The following BRIP1 variants were observed in gnomAD, a reference collection of about 807,000 sequenced individuals.
The protein encoded by BRIP1 is Fanconi anemia group J protein.
Under a neutral mutation model 119.7 loss-of-function variants are expected in BRIP1, and 88 were observed. The observed-to-expected ratio is 0.74, with a 90% CI of 0.62 to 0.88. BRIP1 has a LOEUF of 0.88. Among genes scored for constraint, BRIP1 ranks in the 40% least tolerant of loss-of-function variants. The pLI is 0.00. For missense variants in BRIP1, 1,259 were observed against 1,455.4 expected, an observed-to-expected ratio of 0.87 and a Z score of 2.20; for synonymous variants, 443 against 496.5, an observed-to-expected ratio of 0.89 and a Z score of 1.43.
rs2061431586 is a variant in BRIP1, at chr17:61,690,454, GT to G, written c.2575+2975del. On this transcript the variant is annotated intron_variant, in intron 18 of 19. Coordinates refer to ENST00000259008, the MANE Select transcript of BRIP1 (RefSeq NM_032043.3). This position sits in a 1 kb window ranked among gnomAD's most constrained non-coding sequence, Gnocchi z 5.6. ...GTGATGGGAAAAGTAAAAGTGTAGA[GT>G]TTATACAACTGAAATGAATTTGTTA... Among the ~76,000 whole-genome samples, 1 of 152,190 alleles carries G rather than the reference GT, an allele frequency of 6.6e-6. No homozygotes were observed. The highest frequency in any genetic ancestry group is 1.5e-5 in the Non-Finnish European group (1 of 68,038).
Position 61,748,603 on chromosome 17 carries a change from A to G in BRIP1, c.2098-4012T>C, listed in dbSNP as rs1461907528. 1.3e-5 allele frequency among the ~76,000 whole-genome samples: 2 copies of G among 152,200 alleles called. No individual in the cohort carries two copies. The highest frequency in any genetic ancestry group is 2.9e-5 in the Non-Finnish European group (2 of 68,026). ...CCACCATAATCAAAATAGTAATTGC[A>G]TTGCCATAAAGACAGACATATAGAC... On this transcript the variant is annotated intron_variant, in intron 14 of 19. Transcript: ENST00000259008. This position sits in a 1 kb window ranked among gnomAD's most constrained non-coding sequence, Gnocchi z 4.7.
chr17:61,732,163 TAG>T (rs2076856713), intron 16 of BRIP1, among the ~76,000 whole-genome samples: 1 of 151,460 alleles, frequency 6.6e-6, no homozygotes. Flanking sequence ...GTATTTTTAG[TAG>T]AGAGAGAGAG....
At chr17:61,782,894 A>T (rs1047635410) in intron 11 of BRIP1, among the ~76,000 whole-genome samples, 5 of 152,234 alleles carry the variant, frequency 3.3e-5, no homozygotes, top group Admixed American at 6.5e-5. Flanking sequence ...GCTGCTACAT[A>T]AACTGTTGGC....
chr17:61,801,560 T>G (rs2077995173), intron 7 of BRIP1, 86 bp from the exon 8 acceptor site: 3 of 1,268,704 alleles, frequency 2.4e-6, no homozygotes, highest in Non-Finnish European at 3.4e-6. Context: ...TTGAGGAACA[T>G]CATTAAAGCC....
Position 61,824,111 on chromosome 17 carries a change from G to A in BRIP1, c.628-15354C>T, listed in dbSNP as rs1001552518. The stretch of plus-strand genomic sequence containing the variant: ...ATTACAGGCATGAGCCACCATGCCC[G>A]GCCTAAGATAGAATTTTTAAAGCAG... On this transcript the variant is annotated intron_variant, in intron 6 of 19. Coordinates refer to ENST00000259008, the MANE Select transcript of BRIP1 (RefSeq NM_032043.3). This position sits in a 1 kb window ranked among gnomAD's most constrained non-coding sequence, Gnocchi z 4.3. Among the ~76,000 whole-genome samples, 14 of 152,198 alleles carry A rather than the reference G, an allele frequency of 9.2e-5. No individual in the cohort carries two copies. Among genetic ancestry groups the A allele is most frequent in the Non-Finnish European group, 1.8e-4 (12 of 68,024 alleles).
intron 8 of BRIP1, among the ~76,000 whole-genome samples, chr17:61,800,163 A>G (rs1437273601): frequency 6.6e-6 from 1 of 152,204 alleles, no homozygotes; most frequent in Non-Finnish European, 1.5e-5. Flanking sequence ...CAATAAAGAG[A>G]ATCAAGTATT....
rs2076920970 is a variant in BRIP1 at position 61,736,511 on chromosome 17, T to C, written c.2379+6502A>G. Among the ~76,000 whole-genome samples, 1 of 152,188 alleles carries C rather than the reference T, an allele frequency of 6.6e-6. No homozygotes were observed. Among genetic ancestry groups the C allele is most frequent in the Admixed American group, 6.5e-5 (1 of 15,278 alleles). On this transcript the variant is annotated intron_variant, in intron 16 of 19. Coordinates refer to ENST00000259008, the MANE Select transcript of BRIP1 (RefSeq NM_032043.3). The surrounding 1 kb of genome is among the most constrained non-coding windows in gnomAD (Gnocchi z 4.4). ...ATGATTTACTACTATAACTACCCTGTATTGCCTCCTTATGAGTCATATCAC... is the reference window on the plus strand; with the variant it reads ...ATGATTTACTACTATAACTACCCTGCATTGCCTCCTTATGAGTCATATCAC...
chr17:61,784,860 C>T (rs1409333849), intron 10 of BRIP1, among the ~76,000 whole-genome samples: 1 of 152,140 alleles, frequency 6.6e-6, no homozygotes, highest in Non-Finnish European at 1.5e-5. Context: ...GATGCTGGAG[C>T]CATGCTTCGT....
At chr17:61,765,404 TATATATATATATATATA>T (rs1567798913) in intron 14 of BRIP1, among the ~76,000 whole-genome samples, 13 of 16,284 alleles carry the variant, frequency 8.0e-4, no homozygotes, top group Non-Finnish European at 1.5e-3. Flanking sequence ...TATATATATA[TATATATATATATATATA>T]TATTTTTTTT....
chr17:61,767,274 T>C lies in BRIP1; in HGVS notation c.2097+9127A>G, dbSNP rs991969367. Among the ~76,000 whole-genome samples the C allele has an allele frequency of 1.3e-5, 2 of 152,052 alleles. No individual in the cohort carries two copies. Among genetic ancestry groups the C allele is most frequent in the African/African-American group, 2.4e-5 (1 of 41,406 alleles). On this transcript the variant is annotated intron_variant, in intron 14 of 19. Coordinates refer to ENST00000259008, the MANE Select transcript of BRIP1 (RefSeq NM_032043.3). The surrounding 1 kb of genome is among the most constrained non-coding windows in gnomAD (Gnocchi z 5.7). The stretch of plus-strand genomic sequence containing the variant: ...CTAAAATGTATGGTTTGAAAAACTT[T>C]AGACATATATTTTTCTTTTTTAGAG...
Position 61,774,520 on chromosome 17 carries a change from C to T in BRIP1, c.2097+1881G>A, listed in dbSNP as rs761989362. ...TGATGGGTGCAGCAAACCAGCATGG[C>T]ACATGTATACGTATGTAACAAACCT... On this transcript the variant is annotated intron_variant, in intron 14 of 19. Transcript: ENST00000259008. The surrounding 1 kb of genome is among the most constrained non-coding windows in gnomAD (Gnocchi z 5.8). Among the ~76,000 whole-genome samples the T allele has an allele frequency of 1.3e-5, 2 of 152,044 alleles. No homozygotes were observed. The highest frequency in any genetic ancestry group is 4.8e-5 in the African/African-American group (2 of 41,372).
intron 6 of BRIP1, among the ~76,000 whole-genome samples, chr17:61,830,747 A>G (rs923528058): frequency 6.6e-6 from 1 of 152,214 alleles, no homozygotes; most frequent in Non-Finnish European, 1.5e-5. Context: ...TTAAGGAAGA[A>G]GTAATATCAA....
rs771630777 is a variant in BRIP1, at chr17:61,801,418, T to C, written c.975A>G (p.Leu325=). 1.9e-6 allele frequency: 3 copies of C among 1,613,990 alleles called. No homozygotes were observed. In the South Asian group the frequency reaches 3.3e-5, roughly 18 times the overall value. The change falls in exon 8 of 20, where the codon TTA becomes TTG. Residue 325 remains leucine (L), a synonymous_variant. Coordinates refer to ENST00000259008, the MANE Select transcript of BRIP1 (RefSeq NM_032043.3). The part of the protein sequence containing the change: ...GVHKISDQHT[L]QTFQGMCKAW... ...CTTTGCACATCCCTTGGAAAGTCTGTAATGTGTGCTGATCACTAATTTTAT... is the reference window on the plus strand; with the variant it reads ...CTTTGCACATCCCTTGGAAAGTCTGCAATGTGTGCTGATCACTAATTTTAT...
Position 61,810,028 on chromosome 17 carries a change from G to A in BRIP1, c.628-1271C>T, listed in dbSNP as rs2078138000. Among the ~76,000 whole-genome samples the A allele has an allele frequency of 6.6e-6, 1 of 152,090 alleles. No homozygotes were observed. Among genetic ancestry groups the A allele is most frequent in the Admixed American group, 6.5e-5 (1 of 15,270 alleles). ...AATGGATGTAAATGTGACCCTTCTG[G>A]AGCTGTCACTCACTGGGATAAAAGG... is the stretch of plus-strand genomic sequence containing the variant. On this transcript the variant is annotated intron_variant, in intron 6 of 19. Coordinates refer to ENST00000259008, the MANE Select transcript of BRIP1 (RefSeq NM_032043.3). The surrounding 1 kb of genome is among the most constrained non-coding windows in gnomAD (Gnocchi z 4.7).
rs116827008 is a variant in BRIP1, at chr17:61,749,494, A to G, written c.2098-4903T>C. Among the ~76,000 whole-genome samples, 161 of 152,302 alleles carry G rather than the reference A, an allele frequency of 1.1e-3. 1 individual carries two copies. The highest frequency in any genetic ancestry group is 3.7e-3 in the African/African-American group (154 of 41,576). On this transcript the variant is annotated intron_variant, in intron 14 of 19. Transcript: ENST00000259008. ...TACAAATGGTTAACAGGTATATGGA[A>G]AGATGCTCAACATCAGTAATTATCA...
rs947164331 is a variant in BRIP1 at position 61,717,559 on chromosome 17, C to T, written c.2380-1496G>A. ...GTTAAAGACGGCTTTTCATTGTTTTCTGATTTGCATAGTTCTGAAGAAAAA... is the reference window on the plus strand; with the variant it reads ...GTTAAAGACGGCTTTTCATTGTTTTTTGATTTGCATAGTTCTGAAGAAAAA... On this transcript the variant is annotated intron_variant, in intron 16 of 19. Transcript: ENST00000259008. The surrounding 1 kb of genome is among the most constrained non-coding windows in gnomAD (Gnocchi z 4.1). Among the ~76,000 whole-genome samples the T allele has an allele frequency of 1.3e-5, 2 of 151,970 alleles. No individual in the cohort carries two copies. Among genetic ancestry groups the T allele is most frequent in the African/African-American group, 4.8e-5 (2 of 41,394 alleles).
At position 61,744,380 on chromosome 17, in the gene BRIP1, A is replaced by T. The variant is rs2144693469; in HGVS notation, c.2257+52T>A. The stretch of plus-strand genomic sequence containing the variant: ...TATAAAATTATAATTGTACCTTCTT[A>T]CTTTGTAATAAAAAATATTTTTTCA... On this transcript the variant is annotated intron_variant, in intron 15 of 19. Coordinates refer to ENST00000259008, the MANE Select transcript of BRIP1 (RefSeq NM_032043.3). This position sits in a 1 kb window ranked among gnomAD's most constrained non-coding sequence, Gnocchi z 5.0. 6.4e-7 allele frequency: 1 copy of T among 1,556,428 alleles called. No individual in the cohort carries two copies. Among genetic ancestry groups the T allele is most frequent in the Non-Finnish European group, 8.9e-7 (1 of 1,128,522 alleles).
In BRIP1 at chr17:61,756,375, G is replaced by GA; in HGVS notation, c.2098-11785dup. 6.6e-6 allele frequency among the ~76,000 whole-genome samples: 1 copy of GA among 152,154 alleles called. No individual in the cohort carries two copies. The highest frequency in any genetic ancestry group is 1.5e-5 in the Non-Finnish European group (1 of 68,010). On this transcript the variant is annotated intron_variant, in intron 14 of 19. Coordinates refer to ENST00000259008, the MANE Select transcript of BRIP1 (RefSeq NM_032043.3). This position sits in a 1 kb window ranked among gnomAD's most constrained non-coding sequence, Gnocchi z 4.3. The stretch of plus-strand genomic sequence containing the variant: ...CTCAGGTCTTATGGCTTACATATAT[G>GA]AAAAATGTGAGGTATCTTTGTTGAA...
In BRIP1 at chr17:61,683,322, T is replaced by G; in HGVS notation, c.3724A>C (p.Lys1242Gln). 6.2e-7 allele frequency: 1 copy of G among 1,610,676 alleles called. No homozygotes were observed. Among genetic ancestry groups the G allele is most frequent in the Non-Finnish European group, 8.5e-7 (1 of 1,177,524 alleles). Residue 1242 changes from lysine to glutamine, a missense_variant, in exon 20 of 20, where the codon AAA becomes CAA. Physicochemically the swap from Lys to Gln is moderately conservative, Grantham distance 53. This residue lies in a region of BRIP1 where 753 missense variants were observed against 891.8 expected (regional missense o/e 0.84). Coordinates refer to ENST00000259008, the MANE Select transcript of BRIP1 (RefSeq NM_032043.3). This position sits in a 1 kb window ranked among gnomAD's most constrained non-coding sequence, Gnocchi z 4.7. ...TACTTAAAACCAGGAAACATGCCTT[T>G]ATTTTTGGAAGGAGATGGTTTAAAG... ...KNFKPSPSKN[K>Q]GMFPGFK is the part of the protein sequence containing the mutation.
Sources: allele counts gnomAD v4.1 joint callset (sites outside exome capture counted in the v4.1 genomes callset), GRCh38; gene constraint gnomAD v4.1.1; regional missense constraint gnomAD v4.1.1; non-coding constraint Gnocchi (gnomAD v3.1); transcripts MANE v1.5; gene names NCBI Gene and HGNC (gene_info 2026-07-23, HGNC 2026-07-21).